The following CADM1 variants were observed in gnomAD, a reference collection of about 807,000 sequenced individuals.
CADM1 encodes cell adhesion molecule 1.
CADM1 carries 15 observed loss-of-function variants against 53.1 expected under a neutral mutation model. The observed-to-expected ratio is 0.28, with a 90% CI of 0.19 to 0.44. The LOEUF (loss-of-function observed/expected upper bound fraction) is 0.44, where lower values mean the gene tolerates loss of function less well. CADM1 is among the 20% of genes least tolerant of loss of function. The pLI, the probability that CADM1 is intolerant of heterozygous loss-of-function variation, is 1.00. For synonymous variants in CADM1, 281 were observed against 243.0 expected (o/e 1.16, Z -1.45); for missense variants, 434 against 611.3 (o/e 0.71, Z 3.06).
At chr11:115,330,313 T>C (rs1438360221) in intron 1 of CADM1, among the ~76,000 whole-genome samples, 1 of 152,196 alleles carries the variant, frequency 6.6e-6, no homozygotes, top group East Asian at 1.9e-4. Context: ...GGTATCTTAC[T>C]GAGTTTACAA....
Position 115,174,270 on chromosome 11 carries a change from T to A in CADM1, c.*2204A>T. ...AATTCTGTGAGCAATGGTGTGATTT[T>A]TTTTTTTTGTTTTTGTTTTTGTTTT... On this transcript the variant is annotated 3_prime_UTR_variant, in exon 12 of 12. Transcript: ENST00000331581. The A allele has an allele frequency of 1.8e-6, 1 of 566,002 alleles. No homozygotes were observed. Among genetic ancestry groups the A allele is most frequent in the South Asian group, 1.0e-4 (1 of 9,704 alleles). The allele number at this position is 566,002 out of a possible 1,614,324, so 35.1% of individuals were successfully genotyped here. A position where few individuals can be genotyped will look rare whatever the true frequency, so the allele number is the denominator to read the frequency against.
chr11:115,226,738 A>G (rs1941623554), intron 5 of CADM1, among the ~76,000 whole-genome samples: 1 of 152,216 alleles, frequency 6.6e-6, no homozygotes, highest in African/African-American at 2.4e-5. Context: ...TTCAGGGCCC[A>G]GTGACTGAGT....
chr11:115,340,624 T>TA (rs2135243114), intron 1 of CADM1, among the ~76,000 whole-genome samples: 1 of 79,012 alleles, frequency 1.3e-5, no homozygotes, highest in African/African-American at 5.2e-5. Context: ...ACATAATAAA[T>TA]ATTATATATA....
At chr11:115,340,652 ATATATAT>A (rs1322260817) in intron 1 of CADM1, among the ~76,000 whole-genome samples, 34 of 40,816 alleles carry the variant, frequency 8.3e-4, no homozygotes, top group African/African-American at 2.8e-3. Context: ...ATATATATAT[ATATATAT>A]TTTTTTTTTT....
chr11:115,242,253 A>T (rs1942262384), intron 1 of CADM1, among the ~76,000 whole-genome samples: 1 of 151,926 alleles, frequency 6.6e-6, no homozygotes, highest in Non-Finnish European at 1.5e-5. Flanking sequence ...TGAGAGGGTA[A>T]ATTCCCGAAA....
chr11:115,263,438 T>C (rs1475212097), intron 1 of CADM1, among the ~76,000 whole-genome samples: 1 of 152,258 alleles, frequency 6.6e-6, no homozygotes, highest in African/African-American at 2.4e-5. Context: ...AAACTTTCAC[T>C]TGTTAATTTT....
At chr11:115,247,181 G>T (rs892482016) in intron 1 of CADM1, among the ~76,000 whole-genome samples, 1 of 152,156 alleles carries the variant, frequency 6.6e-6, no homozygotes, top group Non-Finnish European at 1.5e-5. Context: ...ACATAATAGA[G>T]TATAATGGCT....
At chr11:115,398,397 T>C (rs1398228956) in intron 1 of CADM1, among the ~76,000 whole-genome samples, 2 of 152,198 alleles carry the variant, frequency 1.3e-5, no homozygotes, top group Non-Finnish European at 2.9e-5. Flanking sequence ...TAGAGGTATT[T>C]GAGCCATATG....
chr11:115,363,923 T>A (rs1591748940), intron 1 of CADM1, among the ~76,000 whole-genome samples: 1 of 152,166 alleles, frequency 6.6e-6, no homozygotes, highest in Non-Finnish European at 1.5e-5. Flanking sequence ...TTACAATTGC[T>A]TACTATATTC....
At chr11:115,228,439 C>A (rs1591624507) in intron 5 of CADM1, among the ~76,000 whole-genome samples, 1 of 152,276 alleles carries the variant, frequency 6.6e-6, no homozygotes, top group East Asian at 1.9e-4. Flanking sequence ...CTTGATTTTT[C>A]AGAAGCCAAA....
chr11:115,206,292 T>A (rs1379871625), intron 8 of CADM1, among the ~76,000 whole-genome samples: 1 of 152,150 alleles, frequency 6.6e-6, no homozygotes, highest in African/African-American at 2.4e-5. Context: ...ACTACAAAAA[T>A]TTCTCCCTAG....
chr11:115,295,541 TA>T (rs372722466), intron 1 of CADM1, among the ~76,000 whole-genome samples: 2,514 of 82,398 alleles, frequency 0.031, 130 homozygotes, highest in East Asian at 0.096. Flanking sequence ...TATATATATA[TA>T]TATATATAAT....
chr11:115,255,982 G>T, intron 1 of CADM1, among the ~76,000 whole-genome samples: 1 of 152,196 alleles, frequency 6.6e-6, no homozygotes, highest in East Asian at 1.9e-4. Context: ...CCCTTAGTGG[G>T]GTCTGTCAGT....
chr11:115,353,918 C>T (rs1349229570), intron 1 of CADM1, among the ~76,000 whole-genome samples: 2 of 152,084 alleles, frequency 1.3e-5, no homozygotes, highest in African/African-American at 4.8e-5. Context: ...AGGCATGGCA[C>T]AAGATAAGGC....
At chr11:115,457,543 C>A (rs189927211) in intron 1 of CADM1, among the ~76,000 whole-genome samples, 84 of 152,106 alleles carry the variant, frequency 5.5e-4, no homozygotes, top group African/African-American at 2.0e-3. Flanking sequence ...GAGAGAAAAC[C>A]CAGAACCTTT....
intron 4 of CADM1, among the ~76,000 whole-genome samples, chr11:115,230,077 T>C (rs1433898499): frequency 1.3e-5 from 2 of 152,202 alleles, no homozygotes; most frequent in African/African-American, 4.8e-5. Flanking sequence ...TCGGTACACA[T>C]TTAATGGCTG....
intron 10 of CADM1, chr11:115,179,095 A>T (rs1939186801): frequency 1.3e-5 from 5 of 375,526 alleles, no homozygotes; most frequent in South Asian, 1.1e-4. Flanking sequence ...GTCTGTATCC[A>T]GTTGCAGAGC....
intron 1 of CADM1, among the ~76,000 whole-genome samples, chr11:115,298,692 T>A (rs775135197): frequency 9.8e-5 from 15 of 152,314 alleles, no homozygotes; most frequent in Admixed American, 5.2e-4. Context: ...GGTTGGAAAA[T>A]CAGCGAAGAC....
chr11:115,229,413 G>T, intron 4 of CADM1, 142 bp from the exon 5 acceptor site: 1 of 763,542 alleles, frequency 1.3e-6, no homozygotes, highest in Non-Finnish European at 2.3e-6. Flanking sequence ...AGAGTAACCT[G>T]TGGATAGTTA....
Sources: gnomAD v4.1 joint callset for allele counts (sites outside exome capture counted in the v4.1 genomes callset) on GRCh38, gnomAD v4.1.1 for gene constraint, MANE v1.5 for transcripts, NCBI Gene and HGNC (gene_info 2026-07-23, HGNC 2026-07-21) for gene names.